FBXO42: variants seen among roughly 807,000 people sequenced by gnomAD.
FBXO42 encodes F-box only protein 42.
FBXO42 carries 12 observed loss-of-function variants against 71.7 expected under a neutral mutation model. That is an observed-to-expected ratio of 0.17 (90% CI 0.11 to 0.27). The LOEUF (loss-of-function observed/expected upper bound fraction) is 0.27. Ranked by LOEUF, FBXO42 falls within the 10% of genes least tolerant of loss-of-function variation. FBXO42 has a pLI of 1.00. For missense variants in FBXO42, 707 were observed against 911.9 expected (o/e 0.78, Z 2.89); for synonymous variants, 325 against 327.5 (o/e 0.99, Z 0.08).
In FBXO42 at chr1:16,251,614, C is replaced by T; in HGVS notation, c.1210G>A (p.Val404Ile). The change falls in exon 10 of 10, where the codon GTT becomes ATT. Residue 404 changes from valine to isoleucine, a missense_variant. By Grantham distance (29) the Val-to-Ile change is conservative (BLOSUM62 3). Around this residue, in one of 5 missense-constraint regions of FBXO42, gnomAD observed 482 missense variants for 587.1 expected, o/e 0.82. Coordinates refer to ENST00000375592, the MANE Select transcript of FBXO42 (RefSeq NM_018994.3). The surrounding 1 kb of genome is among the most constrained non-coding windows in gnomAD (Gnocchi z 4.5). ...PVRSMDEAPC[V>I]NGRWGTLRPR... is the part of the protein sequence containing the mutation. Reference sequence around the variant, plus strand: ...CTCAGTGTTCCCCAGCGGCCGTTAACACAAGGAGCTTCATCCATGCTTCTT... The same window carrying T: ...CTCAGTGTTCCCCAGCGGCCGTTAATACAAGGAGCTTCATCCATGCTTCTT... The T allele has an allele frequency of 1.2e-6, 2 of 1,614,220 alleles. No homozygotes were observed. The highest frequency in any genetic ancestry group is 1.7e-6 in the Non-Finnish European group (2 of 1,180,050).
At chr1:16,338,986 T>C (rs1040003388) in intron 1 of FBXO42, among the ~76,000 whole-genome samples, 1 of 151,848 alleles carries the variant, frequency 6.6e-6, no homozygotes, top group Non-Finnish European at 1.5e-5. Flanking sequence ...AATTTCTGTA[T>C]TTTTAGTAGA....
At chr1:16,336,124 G>C (rs1488698990) in intron 1 of FBXO42, among the ~76,000 whole-genome samples, 2 of 151,404 alleles carry the variant, frequency 1.3e-5, no homozygotes, top group African/African-American at 4.9e-5. Context: ...TTTTAGTAGA[G>C]ATGGGGTTTC....
chr1:16,251,618 A>G lies in FBXO42; in HGVS notation c.1206T>C (p.Pro402=). The change falls in exon 10 of 10, where the codon CCT becomes CCC. Residue 402 remains proline (P), a synonymous_variant. Coordinates refer to ENST00000375592, the MANE Select transcript of FBXO42 (RefSeq NM_018994.3). This position sits in a 1 kb window ranked among gnomAD's most constrained non-coding sequence, Gnocchi z 4.5. The part of the protein sequence containing the change: ...QSPVRSMDEA[P]CVNGRWGTLR... Reference sequence around the variant, plus strand: ...GTGTTCCCCAGCGGCCGTTAACACAAGGAGCTTCATCCATGCTTCTTACTG... The same window carrying G: ...GTGTTCCCCAGCGGCCGTTAACACAGGGAGCTTCATCCATGCTTCTTACTG... The G allele has an allele frequency of 3.1e-6, 5 of 1,614,176 alleles. No individual in the cohort carries two copies. Among genetic ancestry groups the G allele is most frequent in the Non-Finnish European group, 4.2e-6 (5 of 1,180,034 alleles).
intron 1 of FBXO42, among the ~76,000 whole-genome samples, chr1:16,335,180 C>A (rs1395566514): frequency 2.6e-5 from 4 of 151,684 alleles, no homozygotes; most frequent in East Asian, 3.9e-4. Flanking sequence ...TGTATCCCAG[C>A]GACTCAGGAG....
At chr1:16,308,513 T>C (rs964947425) in intron 2 of FBXO42, among the ~76,000 whole-genome samples, 8 of 146,976 alleles carry the variant, frequency 5.4e-5, no homozygotes, top group South Asian at 2.1e-4. Context: ...TTTTTTTTTT[T>C]CCTTTAGACT....
At chr1:16,348,006 A>AG (rs2082666391) in intron 1 of FBXO42, among the ~76,000 whole-genome samples, 1 of 144,928 alleles carries the variant, frequency 6.9e-6, no homozygotes, top group East Asian at 1.9e-4. Flanking sequence ...AAAAAAAAAA[A>AG]AAAGAAAAAA....
chr1:16,346,100 C>A (rs931294244), intron 1 of FBXO42, among the ~76,000 whole-genome samples: 1 of 152,060 alleles, frequency 6.6e-6, no homozygotes, highest in Non-Finnish European at 1.5e-5. Context: ...AATCCATGTA[C>A]AATATAGTGA....
intron 1 of FBXO42, among the ~76,000 whole-genome samples, chr1:16,320,019 C>T (rs181095896): frequency 6.6e-6 from 1 of 152,054 alleles, no homozygotes; most frequent in East Asian, 1.9e-4. Context: ...TAGAGGGAGG[C>T]CTTTCAAACA....
At chr1:16,323,186 A>G (rs1378818410) in intron 1 of FBXO42, among the ~76,000 whole-genome samples, 1 of 152,112 alleles carries the variant, frequency 6.6e-6, no homozygotes, top group Non-Finnish European at 1.5e-5. Flanking sequence ...TGGGAGGCCA[A>G]GGCGGAGGAA....
chr1:16,269,534 T>G (rs1213884157), intron 4 of FBXO42, among the ~76,000 whole-genome samples: 2 of 152,068 alleles, frequency 1.3e-5, no homozygotes, highest in African/African-American at 2.4e-5. Context: ...CATAATTTTT[T>G]GTTTATTTGA....
At chr1:16,298,020 G>A (rs900063405) in intron 3 of FBXO42, among the ~76,000 whole-genome samples, 1 of 152,124 alleles carries the variant, frequency 6.6e-6, no homozygotes, top group Non-Finnish European at 1.5e-5. Context: ...GAGGTCAGGA[G>A]TTCGAGTCCA....
chr1:16,341,011 A>T (rs887116326), intron 1 of FBXO42, among the ~76,000 whole-genome samples: 3 of 152,184 alleles, frequency 2.0e-5, no homozygotes, highest in Admixed American at 2.0e-4. Context: ...AAAACAGACC[A>T]GTTGAACAAA....
intron 1 of FBXO42, among the ~76,000 whole-genome samples, chr1:16,322,160 G>A (rs145395696): frequency 1.3e-5 from 2 of 152,270 alleles, no homozygotes; most frequent in East Asian, 3.9e-4. Flanking sequence ...TTATTGGTCA[G>A]AATTAATACA....
At chr1:16,303,992 A>G (rs2082224119) in intron 3 of FBXO42, among the ~76,000 whole-genome samples, 1 of 152,082 alleles carries the variant, frequency 6.6e-6, no homozygotes, top group Admixed American at 6.6e-5. Flanking sequence ...TTTAGCAGAG[A>G]CGGGGTTGTA....
intron 1 of FBXO42, among the ~76,000 whole-genome samples, chr1:16,318,024 G>A (rs2082383436): frequency 6.6e-6 from 1 of 152,122 alleles, no homozygotes; most frequent in Non-Finnish European, 1.5e-5. Context: ...GGTATCTGAG[G>A]TACTAGTAAA....
chr1:16,272,123 C>G (rs2081853181), intron 4 of FBXO42, among the ~76,000 whole-genome samples: 1 of 142,532 alleles, frequency 7.0e-6, no homozygotes, highest in Non-Finnish European at 1.5e-5. Context: ...CCACTGCACT[C>G]CAGCCTGGGG....
intron 4 of FBXO42, among the ~76,000 whole-genome samples, chr1:16,267,062 T>A (rs1486078048): frequency 6.6e-6 from 1 of 152,110 alleles, no homozygotes; most frequent in Non-Finnish European, 1.5e-5. Context: ...GAAAAACACT[T>A]CAAAATTCAT....
intron 1 of FBXO42, among the ~76,000 whole-genome samples, chr1:16,317,207 C>T (rs2082375826): frequency 6.6e-6 from 1 of 152,102 alleles, no homozygotes; most frequent in South Asian, 2.1e-4. Flanking sequence ...CATCTGAGGT[C>T]AGGAGTTCAA....
chr1:16,343,544 T>C (rs896492978), intron 1 of FBXO42, among the ~76,000 whole-genome samples: 2 of 151,730 alleles, frequency 1.3e-5, no homozygotes, highest in African/African-American at 4.8e-5. Flanking sequence ...AGACCCTGTG[T>C]CTAAAAAAAT....
Sources: allele counts gnomAD v4.1 joint callset (sites outside exome capture counted in the v4.1 genomes callset), GRCh38; gene constraint gnomAD v4.1.1; regional missense constraint gnomAD v4.1.1; non-coding constraint Gnocchi (gnomAD v3.1); transcripts MANE v1.5; gene names NCBI Gene and HGNC (gene_info 2026-07-23, HGNC 2026-07-21).